ITGAE: variants seen among roughly 807,000 people sequenced by gnomAD.
ITGAE encodes the protein integrin subunit alpha E, also known as integrin alpha-E.
ITGAE carries 99 observed loss-of-function variants against 136.5 expected under a neutral mutation model. The ratio of observed to expected loss-of-function variants is 0.73; its 90% CI spans 0.62 to 0.86. The LOEUF (loss-of-function observed/expected upper bound fraction) is 0.86, where lower values mean the gene tolerates loss of function less well. ITGAE is among the 40% of genes least tolerant of loss of function. The pLI is 0.00. For missense variants in ITGAE, 1,447 were observed against 1,515.3 expected, an observed-to-expected ratio of 0.95 and a Z score of 0.75; for synonymous variants, 613 against 591.8, an observed-to-expected ratio of 1.04 and a Z score of -0.52.
chr17:3,724,515 T>A, intron 26 of ITGAE: 1 of 1,613,984 alleles, frequency 6.2e-7, no homozygotes, highest in Non-Finnish European at 8.5e-7. Flanking sequence ...CACCTCCGCC[T>A]GTCTGGTTGC....
chr17:3,786,846 C>T (rs1345372564), intron 1 of ITGAE, among the ~76,000 whole-genome samples: 4 of 144,614 alleles, frequency 2.8e-5, no homozygotes, highest in South Asian at 4.5e-4. Flanking sequence ...GCCAAGATTG[C>T]GCCACTGCAC....
chr17:3,737,890 G>A (rs1283934219), intron 20 of ITGAE, among the ~76,000 whole-genome samples: 1 of 152,198 alleles, frequency 6.6e-6, no homozygotes, highest in African/African-American at 2.4e-5. Flanking sequence ...TGTAGGGCAA[G>A]CCATGCGTGC....
chr17:3,716,538 T>C, intron 30 of ITGAE, 150 bp downstream of exon 30: 1 of 628,768 alleles, frequency 1.6e-6, no homozygotes, highest in Non-Finnish European at 2.9e-6. Context: ...CTCATTTGTC[T>C]AAATGGGGGT....
chr17:3,755,790 C>T (rs1312486467), intron 11 of ITGAE, 40 bp downstream of exon 11: 1 of 1,552,076 alleles, frequency 6.4e-7, no homozygotes, highest in East Asian at 2.4e-5. Flanking sequence ...GGGCCCCTCA[C>T]CAATGGGCAA....
At chr17:3,729,018 AGAGT>A (rs1049165006) in intron 24 of ITGAE, among the ~76,000 whole-genome samples, 1 of 150,044 alleles carries the variant, frequency 6.7e-6, no homozygotes, top group Non-Finnish European at 1.5e-5. Flanking sequence ...CCTGGGCGAC[AGAGT>A]GAGACTTCGT....
At position 3,799,128 on chromosome 17, in the gene ITGAE, G is replaced by C. The variant is rs1049460033; in HGVS notation, c.34+1983C>G. On this transcript the variant is annotated intron_variant, in intron 1 of 30. Coordinates refer to ENST00000263087, the MANE Select transcript of ITGAE (RefSeq NM_002208.5). This position sits in a 1 kb window ranked among gnomAD's most constrained non-coding sequence, Gnocchi z 4.1. ...CAGTCTGAGGGAGTTCTTCCTCCCA[G>C]CATCTCCTGGACATTTTCTTTCTCA... 3.3e-5 allele frequency among the ~76,000 whole-genome samples: 5 copies of C among 152,118 alleles called. No individual in the cohort carries two copies. The highest frequency in any genetic ancestry group is 1.5e-5 in the Non-Finnish European group (1 of 68,028).
intron 23 of ITGAE, chr17:3,729,767 G>C (rs2051298866): frequency 2.2e-6 from 1 of 450,208 alleles, no homozygotes; most frequent in Non-Finnish European, 4.2e-6. Flanking sequence ...GTTAATTTTT[G>C]TATTTTTAGT....
At chr17:3,774,184 TGTTTG>T (rs1356040345) in intron 2 of ITGAE, among the ~76,000 whole-genome samples, 1 of 150,990 alleles carries the variant, frequency 6.6e-6, no homozygotes, top group Non-Finnish European at 1.5e-5. Flanking sequence ...CCCCAGTGCC[TGTTTG>T]AACCCTGGGC....
Position 3,728,630 on chromosome 17 carries a change from C to T in ITGAE, c.2913-462G>A, listed in dbSNP as rs1056660167. Among the ~76,000 whole-genome samples the T allele has an allele frequency of 2.7e-5, 4 of 148,468 alleles. No individual in the cohort carries two copies. In the Admixed American group the frequency reaches 2.7e-4, roughly 10 times the overall value. On this transcript the variant is annotated intron_variant, in intron 24 of 30. Transcript: ENST00000263087. ...TCAGGTGATCCACCCACCTCAGCCT[C>T]CCAAAGTGCTGGGATGACAGGCGTG...
rs1023940794 is a variant in ITGAE, at chr17:3,724,658, C to T, written c.3085-914G>A. ...TGGTCCACCAAACCCGCGCCAGCCT[C>T]AGGTCAGTTCTCTTTGGCCTTATGA... On this transcript the variant is annotated intron_variant, in intron 26 of 30. Coordinates refer to ENST00000263087, the MANE Select transcript of ITGAE (RefSeq NM_002208.5). The T allele has an allele frequency of 5.6e-6, 9 of 1,614,104 alleles. No homozygotes were observed. In the African/African-American group the frequency reaches 1.1e-4, roughly 19 times the overall value.
intron 17 of ITGAE, among the ~76,000 whole-genome samples, chr17:3,746,297 G>A (rs1284941841): frequency 6.6e-6 from 1 of 151,986 alleles, no homozygotes; most frequent in East Asian, 1.9e-4. Flanking sequence ...ACCCCAGGAC[G>A]GCACAGCTGG....
At chr17:3,759,852 T>G (rs2052122085) in intron 7 of ITGAE, among the ~76,000 whole-genome samples, 1 of 152,198 alleles carries the variant, frequency 6.6e-6, no homozygotes, top group East Asian at 1.9e-4. Context: ...GTGATGTAAT[T>G]AGAGACTTGA....
At chr17:3,723,421 G>A (rs762192500) in intron 27 of ITGAE, 38 bp from the exon 28 acceptor site, 33 of 1,437,636 alleles carry the variant, frequency 2.3e-5, no homozygotes, top group South Asian at 2.3e-4. Flanking sequence ...ATTCCTTTCC[G>A]TGCGGAAAGT....
intron 3 of ITGAE, among the ~76,000 whole-genome samples, chr17:3,762,383 G>T (rs543979762): frequency 6.6e-6 from 1 of 152,128 alleles, no homozygotes; most frequent in Non-Finnish European, 1.5e-5. Context: ...GGGACTGGCT[G>T]TGTGGACCAA....
At chr17:3,720,466 G>T in intron 28 of ITGAE, 64 bp from the exon 29 acceptor site, 1 of 776,504 alleles carries the variant, frequency 1.3e-6, no homozygotes, top group South Asian at 1.5e-5. Context: ...CACTGTGTTT[G>T]AACAGCCTTC....
chr17:3,783,070 G>T (rs1417501247), intron 1 of ITGAE, among the ~76,000 whole-genome samples: 1 of 152,164 alleles, frequency 6.6e-6, no homozygotes, highest in Non-Finnish European at 1.5e-5. Flanking sequence ...CATGTGTTTG[G>T]AAGTGCTTTT....
rs1199967020 is a variant in ITGAE at position 3,751,890 on chromosome 17, ACAGCT to A, written c.1669-21_1669-17del. 1.2e-6 allele frequency: 2 copies of A among 1,606,810 alleles called. No individual in the cohort carries two copies. Among genetic ancestry groups the A allele is most frequent in the East Asian group, 4.5e-5 (2 of 44,812 alleles). On this transcript the variant is annotated splice_polypyrimidine_tract_variant and intron_variant, in intron 14 of 30. Coordinates refer to ENST00000263087, the MANE Select transcript of ITGAE (RefSeq NM_002208.5). ...AAGAACCATCCTGTAAAGCAAACAA[ACAGCT>A]CAGCCCTCAAGAAGGGGTGCTAGGT...
intron 30 of ITGAE, among the ~76,000 whole-genome samples, chr17:3,716,356 A>G (rs2050943974): frequency 6.6e-6 from 1 of 152,174 alleles, no homozygotes; most frequent in Non-Finnish European, 1.5e-5. Context: ...TCTTCCAAGT[A>G]AGTTATAAAT....
intron 1 of ITGAE, among the ~76,000 whole-genome samples, chr17:3,790,749 G>C (rs965391740): frequency 1.3e-5 from 2 of 152,062 alleles, no homozygotes; most frequent in African/African-American, 4.8e-5. Context: ...TAAATCAAAG[G>C]CATGAAAGCA....
Sources: allele counts gnomAD v4.1 joint callset (sites outside exome capture counted in the v4.1 genomes callset), GRCh38; gene constraint gnomAD v4.1.1; non-coding constraint Gnocchi (gnomAD v3.1); transcripts MANE v1.5; gene names NCBI Gene and HGNC (gene_info 2026-07-23, HGNC 2026-07-21).